The following DGKI variants were observed in gnomAD, a reference collection of about 807,000 sequenced individuals.
The protein encoded by DGKI is diacylglycerol kinase iota, also known as DAG kinase iota.
DGKI carries 55 observed loss-of-function variants against 147.5 expected under a neutral mutation model. The ratio of observed to expected loss-of-function variants is 0.37; its 90% CI spans 0.30 to 0.47. DGKI has a LOEUF of 0.47. Among genes scored for constraint, DGKI ranks in the 20% least tolerant of loss-of-function variants. The probability of loss-of-function intolerance (pLI) is 1.00; values close to 1 mark genes in which losing one functional copy is unlikely to be tolerated. For missense variants in DGKI, 1,007 were observed against 1,323.8 expected (o/e 0.76, Z 3.71); for synonymous variants, 469 against 477.1 (o/e 0.98, Z 0.22).
At chr7:137,689,112 T>C (rs1284334692) in intron 2 of DGKI, among the ~76,000 whole-genome samples, 1 of 152,190 alleles carries the variant, frequency 6.6e-6, no homozygotes, top group East Asian at 1.9e-4. Context: ...AAAAAGAACA[T>C]GGATTATCCC....
At chr7:137,843,824 G>A (rs1798629855) in intron 1 of DGKI, among the ~76,000 whole-genome samples, 1 of 144,738 alleles carries the variant, frequency 6.9e-6, no homozygotes, top group East Asian at 2.1e-4. Context: ...CCTTCTTTTT[G>A]CCTGTCAAGT....
rs186637260 is a variant in DGKI, at chr7:137,811,566, G to A, written c.401+34896C>T. 1.5e-3 allele frequency among the ~76,000 whole-genome samples: 229 copies of A among 152,276 alleles called. 2 individuals are homozygous for A. Among genetic ancestry groups the A allele is most frequent in the African/African-American group, 5.1e-3 (213 of 41,564 alleles). On this transcript the variant is annotated intron_variant, in intron 1 of 32. Coordinates refer to ENST00000614521, the MANE Select transcript of DGKI (RefSeq NM_001321708.2). ...GAAAGAACTGAAATCTGTTACAGAA[G>A]TCTCTTGACATTGAGAAACACTAAA... is the stretch of plus-strand genomic sequence containing the variant.
At chr7:137,561,385 A>G (rs1439740867) in intron 19 of DGKI, among the ~76,000 whole-genome samples, 4 of 152,194 alleles carry the variant, frequency 2.6e-5, no homozygotes, top group African/African-American at 9.6e-5. Context: ...ACAGAAGTAA[A>G]AAGTAGAACA....
At chr7:137,529,195 C>T (rs1052217021) in intron 20 of DGKI, among the ~76,000 whole-genome samples, 5 of 152,068 alleles carry the variant, frequency 3.3e-5, no homozygotes, top group South Asian at 4.2e-4. Flanking sequence ...CTTAGGGGAG[C>T]GTGAATGATG....
intron 1 of DGKI, among the ~76,000 whole-genome samples, chr7:137,699,084 C>T (rs753811076): frequency 1.3e-5 from 2 of 152,144 alleles, no homozygotes; most frequent in Non-Finnish European, 2.9e-5. Context: ...GATCAAGGTG[C>T]CAGCAGATTC....
chr7:137,479,869 A>C (rs1206995335), intron 23 of DGKI, among the ~76,000 whole-genome samples: 5 of 152,134 alleles, frequency 3.3e-5, no homozygotes, highest in Non-Finnish European at 7.4e-5. Context: ...AATGTTGCAT[A>C]CAAATAGGTA....
At chr7:137,635,122 A>G (rs1821264737) in intron 6 of DGKI, among the ~76,000 whole-genome samples, 1 of 152,194 alleles carries the variant, frequency 6.6e-6, no homozygotes, top group Admixed American at 6.5e-5. Context: ...AATCTTAGAC[A>G]CAACGCAGGT....
chr7:137,540,781 A>AAAAAAAAAAAT (rs1817669842), intron 20 of DGKI, among the ~76,000 whole-genome samples: 1 of 148,456 alleles, frequency 6.7e-6, no homozygotes, highest in African/African-American at 2.5e-5. Context: ...AAAAAAAAAA[A>AAAAAAAAAAAT]AAAAAAACAT....
At chr7:137,655,321 C>T (rs1234491709) in intron 4 of DGKI, among the ~76,000 whole-genome samples, 1 of 152,008 alleles carries the variant, frequency 6.6e-6, no homozygotes. Context: ...GCCTCAGCCT[C>T]CCGAGTAGCT....
At chr7:137,634,890 G>A (rs370277556) in intron 6 of DGKI, among the ~76,000 whole-genome samples, 1 of 152,192 alleles carries the variant, frequency 6.6e-6, no homozygotes, top group Non-Finnish European at 1.5e-5. Context: ...TTCAGGTGAA[G>A]CAAATTGTCA....
intron 28 of DGKI, among the ~76,000 whole-genome samples, chr7:137,427,605 T>C (rs1342014877): frequency 3.9e-5 from 6 of 152,022 alleles, no homozygotes; most frequent in African/African-American, 1.4e-4. Context: ...AATTAAAGAA[T>C]CCAGGAGCTG....
At position 137,485,500 on chromosome 7, in the gene DGKI, C is replaced by A. The variant is rs569460161; in HGVS notation, c.2329-82G>T. ...CCCACAACTCAATCTCAACTGAACT[C>A]CCAATTTAATATTACTATGCTCATC... On this transcript the variant is annotated intron_variant, in intron 22 of 32. Transcript: ENST00000614521. 133 of 1,052,086 alleles carry A rather than the reference C, an allele frequency of 1.3e-4. 2 individuals carry two copies. The South Asian group carries it at 1.5e-3, about 12-fold the overall frequency. The allele number at this position is 1,052,086 out of a possible 1,614,324, so 65.2% of individuals were successfully genotyped here. A position where few individuals can be genotyped will look rare whatever the true frequency, so the allele number is the denominator to read the frequency against.
intron 21 of DGKI, 67 bp from the exon 22 acceptor site, chr7:137,487,756 G>A: frequency 7.2e-7 from 1 of 1,398,124 alleles, no homozygotes; most frequent in Non-Finnish European, 1.0e-6. Context: ...GCATAAATGT[G>A]TTTCTCGTGG....
chr7:137,492,555 T>C (rs1306182547), intron 21 of DGKI, among the ~76,000 whole-genome samples: 1 of 152,006 alleles, frequency 6.6e-6, no homozygotes, highest in East Asian at 1.9e-4. Flanking sequence ...ACTTATAGAA[T>C]CCTGGCAGGA....
chr7:137,563,978 A>C (rs1818500670), intron 19 of DGKI, among the ~76,000 whole-genome samples: 1 of 152,122 alleles, frequency 6.6e-6, no homozygotes, highest in South Asian at 2.1e-4. Context: ...CAAGGAAAAC[A>C]CTGTTAGAAC....
At chr7:137,522,035 A>G (rs1816980243) in intron 20 of DGKI, 69 bp from the exon 21 acceptor site, 1 of 1,062,014 alleles carries the variant, frequency 9.4e-7, no homozygotes, top group Non-Finnish European at 1.4e-6. Flanking sequence ...CACCTGAAGG[A>G]ATAAGGGCAA....
intron 27 of DGKI, among the ~76,000 whole-genome samples, chr7:137,455,394 C>T (rs1370986265): frequency 2.0e-5 from 3 of 151,896 alleles, no homozygotes; most frequent in African/African-American, 7.3e-5. Context: ...AAAATGGGCT[C>T]GACAGACTGT....
intron 6 of DGKI, among the ~76,000 whole-genome samples, chr7:137,630,931 T>A (rs946482072): frequency 1.3e-5 from 2 of 152,200 alleles, no homozygotes; most frequent in African/African-American, 2.4e-5. Flanking sequence ...TAACTCATAA[T>A]AAACTTACCA....
At chr7:137,724,320 GT>G (rs1194054260) in intron 1 of DGKI, among the ~76,000 whole-genome samples, 1 of 152,124 alleles carries the variant, frequency 6.6e-6, no homozygotes, top group Non-Finnish European at 1.5e-5. Context: ...ACCAACATAA[GT>G]TTTTGAGCCA....
Sources: allele counts gnomAD v4.1 joint callset (sites outside exome capture counted in the v4.1 genomes callset), GRCh38; gene constraint gnomAD v4.1.1; transcripts MANE v1.5; gene names NCBI Gene and HGNC (gene_info 2026-07-23, HGNC 2026-07-21).